PTPRO: variants seen among roughly 807,000 people sequenced by gnomAD.
PTPRO encodes the protein protein tyrosine phosphatase receptor type O.
In PTPRO, 62 loss-of-function variants were observed where a neutral mutation model predicts 145.2. That is an observed-to-expected ratio of 0.43 (90% CI 0.35 to 0.53). The LOEUF is 0.53. Among genes scored for constraint, PTPRO ranks in the 20% least tolerant of loss-of-function variants. The pLI is 0.01. For missense variants in PTPRO, 1,345 were observed against 1,482.7 expected, an observed-to-expected ratio of 0.91 and a Z score of 1.53; for synonymous variants, 565 against 514.7, an observed-to-expected ratio of 1.10 and a Z score of -1.32.
chr12:15,402,358 A>C (rs977945140), intron 1 of PTPRO, among the ~76,000 whole-genome samples: 6 of 152,114 alleles, frequency 3.9e-5, no homozygotes, highest in Non-Finnish European at 8.8e-5. Flanking sequence ...ACTGTACTCC[A>C]GGCTGGAGAC....
intron 1 of PTPRO, among the ~76,000 whole-genome samples, chr12:15,461,232 A>T (rs1941293488): frequency 1.3e-5 from 2 of 152,126 alleles, no homozygotes; most frequent in Non-Finnish European, 1.5e-5. Context: ...CATAAACTCA[A>T]CCAATTGTCA....
intron 1 of PTPRO, among the ~76,000 whole-genome samples, chr12:15,350,508 C>G (rs1591728542): frequency 6.6e-6 from 1 of 152,212 alleles, no homozygotes; most frequent in African/African-American, 2.4e-5. Context: ...AGCCAAGGAA[C>G]AGTGAAGGCT....
At chr12:15,456,989 C>T (rs1941194626) in intron 1 of PTPRO, among the ~76,000 whole-genome samples, 1 of 151,858 alleles carries the variant, frequency 6.6e-6, no homozygotes, top group Non-Finnish European at 1.5e-5. Context: ...TTATTTTCTT[C>T]CTTCTGCTAA....
chr12:15,552,702 G>A (rs1211879094), intron 15 of PTPRO, among the ~76,000 whole-genome samples: 11 of 151,584 alleles, frequency 7.3e-5, no homozygotes, highest in Non-Finnish European at 1.2e-4. Context: ...TTGAAGGTTG[G>A]CATTTGAATA....
At chr12:15,541,807 T>A (rs1943185664) in intron 12 of PTPRO, among the ~76,000 whole-genome samples, 1 of 151,996 alleles carries the variant, frequency 6.6e-6, no homozygotes, top group South Asian at 2.1e-4. Flanking sequence ...AGGTGAGGAG[T>A]TCGATACCAG....
At chr12:15,452,349 A>C (rs143661750) in intron 1 of PTPRO, among the ~76,000 whole-genome samples, 124 of 151,756 alleles carry the variant, frequency 8.2e-4, no homozygotes, top group African/African-American at 2.9e-3. Flanking sequence ...GAAATGGTAC[A>C]AAAAAAAATT....
At chr12:15,338,155 G>A (rs1226215944) in intron 1 of PTPRO, among the ~76,000 whole-genome samples, 2 of 152,140 alleles carry the variant, frequency 1.3e-5, no homozygotes, top group East Asian at 1.9e-4. Flanking sequence ...AACATTGGGG[G>A]AGGCAGGATC....
At chr12:15,480,385 A>G (rs1941752920) in intron 1 of PTPRO, among the ~76,000 whole-genome samples, 1 of 152,092 alleles carries the variant, frequency 6.6e-6, no homozygotes, top group African/African-American at 2.4e-5. Context: ...TCAGGATTAA[A>G]CTAATATTTT....
intron 17 of PTPRO, among the ~76,000 whole-genome samples, chr12:15,560,675 T>C (rs1478905509): frequency 6.6e-6 from 1 of 152,136 alleles, no homozygotes; most frequent in East Asian, 1.9e-4. Context: ...CCTCTGTATC[T>C]GAGGCCTCCT....
intron 7 of PTPRO, among the ~76,000 whole-genome samples, chr12:15,514,349 G>A (rs1392338698): frequency 6.6e-6 from 1 of 151,054 alleles, no homozygotes; most frequent in African/African-American, 2.4e-5. Flanking sequence ...CTACTCAGGA[G>A]CCTGAGGCAG....
chr12:15,524,905 C>T lies in PTPRO; in HGVS notation c.1983C>T (p.Ser661=), dbSNP rs748586553. ...ATGGGGATGATACAACGGACTTGTC[C>T]CATTCTAGAATGCTTCACTGGATGG... is the stretch of plus-strand genomic sequence containing the variant. ...WTYGDDTTDL[S]HSRMLHWMVV... is the part of the protein sequence containing the mutation. Residue 661 remains serine, a synonymous_variant, in exon 11 of 27, where the codon TCC becomes TCT. Coordinates refer to ENST00000281171, the MANE Select transcript of PTPRO (RefSeq NM_030667.3). 6.2e-7 allele frequency: 1 copy of T among 1,613,792 alleles called. No individual in the cohort carries two copies. The highest frequency in any genetic ancestry group is 8.5e-7 in the Non-Finnish European group (1 of 1,179,820).
At chr12:15,400,051 CAAAAAA>C (rs36062333) in intron 1 of PTPRO, among the ~76,000 whole-genome samples, 1 of 54,098 alleles carries the variant, frequency 1.8e-5, no homozygotes, top group East Asian at 5.1e-4. Flanking sequence ...ACTCTTGTCT[CAAAAAA>C]AAAAAAAAAA....
intron 14 of PTPRO, among the ~76,000 whole-genome samples, chr12:15,549,706 G>T (rs1245562301): frequency 6.6e-6 from 1 of 152,146 alleles, no homozygotes; most frequent in Non-Finnish European, 1.5e-5. Flanking sequence ...GGTCTGGAAT[G>T]ATGCTGTTTA....
At chr12:15,427,761 A>T (rs996907842) in intron 1 of PTPRO, among the ~76,000 whole-genome samples, 11 of 151,554 alleles carry the variant, frequency 7.3e-5, no homozygotes, top group African/African-American at 2.4e-4. Flanking sequence ...TAATTTCAAA[A>T]TTTTTTTTCT....
At chr12:15,528,721 A>C (rs1219086111) in intron 12 of PTPRO, among the ~76,000 whole-genome samples, 2 of 152,068 alleles carry the variant, frequency 1.3e-5, no homozygotes, top group African/African-American at 4.8e-5. Flanking sequence ...ATCACCCCAA[A>C]GCGTATAATA....
chr12:15,362,716 T>G (rs914978182), intron 1 of PTPRO, among the ~76,000 whole-genome samples: 26 of 152,088 alleles, frequency 1.7e-4, no homozygotes, highest in African/African-American at 6.0e-4. Flanking sequence ...AAAGATCTAA[T>G]CTCCAAGTGG....
intron 1 of PTPRO, among the ~76,000 whole-genome samples, chr12:15,437,338 G>A (rs1940626121): frequency 6.6e-6 from 1 of 151,758 alleles, no homozygotes; most frequent in South Asian, 2.1e-4. Flanking sequence ...AGATCTTTGT[G>A]CAGCGGGGCT....
At chr12:15,454,040 A>C (rs561705526) in intron 1 of PTPRO, among the ~76,000 whole-genome samples, 2 of 152,302 alleles carry the variant, frequency 1.3e-5, no homozygotes, top group East Asian at 3.9e-4. Context: ...AGTGAACAAG[A>C]GAGTGCAAAT....
chr12:15,560,291 T>C lies in PTPRO; in HGVS notation c.2711+15T>C. The stretch of plus-strand genomic sequence containing the variant: ...ATTAATCCTTGGTAAGTGATTTTTT[T>C]TTACTGTTTAACACAAACTCTTTAA... On this transcript the variant is annotated intron_variant, in intron 17 of 26. Coordinates refer to ENST00000281171, the MANE Select transcript of PTPRO (RefSeq NM_030667.3). 2 of 1,524,058 alleles carry C rather than the reference T, an allele frequency of 1.3e-6. No individual in the cohort carries two copies. The highest frequency in any genetic ancestry group is 1.7e-4 in the Middle Eastern group (1 of 5,870). 94.4% of individuals were successfully genotyped at this position (1,524,058 alleles called of 1,614,324 possible). A position where few individuals can be genotyped will look rare whatever the true frequency, so the allele number is the denominator to read the frequency against.
Sources: gnomAD v4.1 joint callset for allele counts (sites outside exome capture counted in the v4.1 genomes callset) on GRCh38, gnomAD v4.1.1 for gene constraint, MANE v1.5 for transcripts, NCBI Gene and HGNC (gene_info 2026-07-23, HGNC 2026-07-21) for gene names.